The following SRRM2 variants were observed in gnomAD, a reference collection of about 807,000 sequenced individuals.
SRRM2 encodes serine/arginine repetitive matrix protein 2.
In SRRM2, 30 loss-of-function variants were observed where a neutral mutation model predicts 213.8. The ratio of observed to expected loss-of-function variants is 0.14; its 90% confidence interval spans 0.10 to 0.19. The LOEUF (loss-of-function observed/expected upper bound fraction) is 0.19. Among genes scored for constraint, SRRM2 ranks in the 10% least tolerant of loss-of-function variants. The pLI is 1.00. For synonymous variants in SRRM2, 2,025 were observed against 1,377.7 expected (o/e 1.47, Z -10.40); for missense variants, 4,904 against 3,647.0 (o/e 1.34, Z -8.88).
intron 9 of SRRM2, 42 bp downstream of exon 9, chr16:2,759,703 G>A (rs546926615): frequency 6.4e-7 from 1 of 1,561,016 alleles, no homozygotes; most frequent in Admixed American, 1.7e-5. Context: ...AGGGAATGAT[G>A]GGTTAATTAA....
Position 2,770,538 on chromosome 16 carries a change from C to T in SRRM2, c.8136-66C>T, listed in dbSNP as rs569388778. The stretch of plus-strand genomic sequence containing the variant: ...GCTTTCTACAAAGAAGAAAGCTTTG[C>T]GGTTGTGGCTATGTGGTGCCTGAGG... On this transcript the variant is annotated intron_variant, in intron 13 of 14. Transcript: ENST00000301740. The T allele has an allele frequency of 9.8e-5, 153 of 1,554,770 alleles. 3 individuals are homozygous for T. The Admixed American group carries it at 1.2e-3, about 12-fold the overall frequency.
chr16:2,765,964 G>T lies in SRRM2; in HGVS notation c.5436G>T (p.Arg1812=), dbSNP rs762646590. The T allele has an allele frequency of 5.6e-6, 9 of 1,614,168 alleles. No individual in the cohort carries two copies. Among genetic ancestry groups the T allele is most frequent in the South Asian group, 5.5e-5 (5 of 91,088 alleles). Residue 1812 remains arginine (R), a synonymous_variant, in exon 11 of 15, where the codon CGG becomes CGT. Coordinates refer to ENST00000301740, the MANE Select transcript of SRRM2 (RefSeq NM_016333.4). ...QRSRSRSRVT[R]RRRGGSGYHS... ...GCCGGTCAAGGTCGCGGGTTACTCG[G>T]CGGCGGAGGGGAGGCTCTGGTTATC...
chr16:2,760,407 G>C lies in SRRM2; in HGVS notation c.940G>C (p.Gly314Arg). The C allele has an allele frequency of 6.2e-7, 1 of 1,614,148 alleles. No individual in the cohort carries two copies. Among genetic ancestry groups the C allele is most frequent in the Non-Finnish European group, 8.5e-7 (1 of 1,180,030 alleles). Reference protein sequence around the residue: ...GEGDAPFSEPGTTSTQRPSSP... With the variant: ...GEGDAPFSEPRTTSTQRPSSP... Reference sequence around the variant, plus strand: ...GGGAGATGCGCCTTTCAGTGAACCAGGTACTACCAGCACACAACGGCCTAG... The same window carrying C: ...GGGAGATGCGCCTTTCAGTGAACCACGTACTACCAGCACACAACGGCCTAG... The change falls in exon 10 of 15, where the codon GGT (glycine) becomes CGT (arginine). Residue 314 changes from glycine (G) to arginine (R), a missense_variant. Physicochemically the swap from Gly to Arg is moderately radical, Grantham distance 125. Coordinates refer to ENST00000301740, the MANE Select transcript of SRRM2 (RefSeq NM_016333.4).
rs2068475539 is a variant in SRRM2 at position 2,764,614 on chromosome 16, G to C, written c.4086G>C (p.Gln1362His). Reference protein sequence around the residue: ...KEDLNGPFLNQLETDPSLDMK... With the variant: ...KEDLNGPFLNHLETDPSLDMK... ...ATTTGAATGGACCGTTTCTTAATCAGCTGGAAACAGATCCATCTCTAGACA... is the reference window on the plus strand; with the variant it reads ...ATTTGAATGGACCGTTTCTTAATCACCTGGAAACAGATCCATCTCTAGACA... Residue 1362 changes from glutamine to histidine, a missense_variant, in exon 11 of 15, where the codon CAG becomes CAC. By Grantham distance (24) the Gln-to-His change is conservative. Coordinates refer to ENST00000301740, the MANE Select transcript of SRRM2 (RefSeq NM_016333.4). 1 of 1,614,152 alleles carries C rather than the reference G, an allele frequency of 6.2e-7. No homozygotes were observed. Among genetic ancestry groups the C allele is most frequent in the Non-Finnish European group, 8.5e-7 (1 of 1,180,028 alleles).
intron 5 of SRRM2, 46 bp from the exon 6 acceptor site, chr16:2,758,939 G>C: frequency 6.2e-7 from 1 of 1,611,044 alleles, no homozygotes; most frequent in Non-Finnish European, 8.5e-7. Flanking sequence ...GGGAGGGCCA[G>C]GAAAGAAGCC....
intron 1 of SRRM2, among the ~76,000 whole-genome samples, chr16:2,754,489 A>G (rs1016193586): frequency 1.2e-4 from 18 of 152,064 alleles, no homozygotes; most frequent in Non-Finnish European, 2.4e-4. Flanking sequence ...ATGGAGTTTC[A>G]CCGTGTTGGC....
chr16:2,766,275 C>T lies in SRRM2; in HGVS notation c.5747C>T (p.Ser1916Phe), dbSNP rs1229246357. The T allele has an allele frequency of 1.9e-6, 3 of 1,614,056 alleles. No individual in the cohort carries two copies. The highest frequency in any genetic ancestry group is 2.5e-6 in the Non-Finnish European group (3 of 1,180,050). ...CGACGAAGATCCCGGTCAAGAGCAT[C>T]CCCAGTGAGCAGAAGGCGATCCAGA... Reference protein sequence around the residue: ...VTRRRSRSRASPVSRRRSRSR... With the variant: ...VTRRRSRSRAFPVSRRRSRSR... The change falls in exon 11 of 15, where the codon TCC becomes TTC. Residue 1916 changes from serine to phenylalanine, a missense_variant. Transcript: ENST00000301740. This position sits in a 1 kb window ranked among gnomAD's most constrained non-coding sequence, Gnocchi z 7.0.
At chr16:2,760,890 C>G (rs2068320961) in intron 10 of SRRM2, 1 of 189,236 alleles carries the variant, frequency 5.3e-6, no homozygotes, top group Admixed American at 5.4e-5. Flanking sequence ...GAATGAAACA[C>G]TGAAATAGTC....
In SRRM2 at chr16:2,761,876, C is replaced by T. The variant is rs1196635581; in HGVS notation, c.1348C>T (p.His450Tyr). The T allele has an allele frequency of 2.5e-6, 4 of 1,612,218 alleles. No individual in the cohort carries two copies. Among genetic ancestry groups the T allele is most frequent in the Non-Finnish European group, 2.5e-6 (3 of 1,180,038 alleles). Reference protein sequence around the residue: ...SPKPAPAPGSHREISSSPTSK... With the variant: ...SPKPAPAPGSYREISSSPTSK... ...TAAACCTGCTCCAGCTCCAGGGTCC[C>T]ACCGAGAGATTTCTTCTTCTCCCAC... is the stretch of plus-strand genomic sequence containing the variant. Residue 450 changes from histidine (H) to tyrosine (Y), a missense_variant, in exon 11 of 15, where the codon CAC becomes TAC. By Grantham distance (83) the His-to-Tyr change is moderately conservative. Transcript: ENST00000301740.
Position 2,764,039 on chromosome 16 carries a change from C to A in SRRM2, c.3511C>A (p.Pro1171Thr). ...TGAATCAAAAGAGAAAATGGCCTTA[C>A]CCCCTCAGGAGGATGCTACTGCATC... ...TAESKEKMAL[P>T]PQEDATASPP... Residue 1171 changes from proline to threonine, a missense_variant, in exon 11 of 15, where the codon CCC becomes ACC. Transcript: ENST00000301740. 6.2e-7 allele frequency: 1 copy of A among 1,614,148 alleles called. No homozygotes were observed.
chr16:2,765,292 A>G lies in SRRM2; in HGVS notation c.4764A>G (p.Lys1588=). 2.1e-5 allele frequency: 34 copies of G among 1,614,140 alleles called. No homozygotes were observed. The highest frequency in any genetic ancestry group is 2.9e-5 in the Non-Finnish European group (34 of 1,180,028). The change falls in exon 11 of 15, where the codon AAA becomes AAG. Residue 1588 remains lysine, a synonymous_variant. Coordinates refer to ENST00000301740, the MANE Select transcript of SRRM2 (RefSeq NM_016333.4). ...GATCATCTCCAGAGGTTGACAGCAA[A>G]TCTCGACTATCCCCTCGGCGCAGTA... The part of the protein sequence containing the change: ...RSGSSPEVDS[K]SRLSPRRSRS...
chr16:2,768,781 C>T (rs544198583), intron 11 of SRRM2: 11 of 865,448 alleles, frequency 1.3e-5, no homozygotes, highest in African/African-American at 6.6e-5. Flanking sequence ...TAACCTTGAT[C>T]CCTTATGCTG....
Position 2,770,341 on chromosome 16 carries a change from G to A in SRRM2, c.8022-11G>A. Reference sequence around the variant, plus strand: ...GGGTGTGGTGCTATTGGGTCCTACTGTGTTCCCCAGGTCCCGCAGCCCCCG... The same window carrying A: ...GGGTGTGGTGCTATTGGGTCCTACTATGTTCCCCAGGTCCCGCAGCCCCCG... On this transcript the variant is annotated splice_polypyrimidine_tract_variant and intron_variant, in intron 12 of 14. Coordinates refer to ENST00000301740, the MANE Select transcript of SRRM2 (RefSeq NM_016333.4). The A allele has an allele frequency of 6.4e-7, 1 of 1,574,438 alleles. No individual in the cohort carries two copies. Among genetic ancestry groups the A allele is most frequent in the Non-Finnish European group, 8.6e-7 (1 of 1,159,408 alleles).
At chr16:2,760,183 G>C (rs2150773978) in intron 9 of SRRM2, 118 bp from the exon 10 acceptor site, 3 of 1,003,214 alleles carry the variant, frequency 3.0e-6, no homozygotes, top group South Asian at 1.5e-5. Flanking sequence ...GCGACTAAAG[G>C]CTTTTTGGAA....
At chr16:2,770,171 G>C in intron 12 of SRRM2, 181 bp from the exon 13 acceptor site, 1 of 1,440,814 alleles carries the variant, frequency 6.9e-7, no homozygotes, top group Non-Finnish European at 9.1e-7. Context: ...CCCTGTGCCT[G>C]CCCACTGGGC....
rs200846532 is a variant in SRRM2 at position 2,766,788 on chromosome 16, G to A, written c.6260G>A (p.Arg2087His). 3.7e-6 allele frequency: 6 copies of A among 1,614,172 alleles called. No homozygotes were observed. Among genetic ancestry groups the A allele is most frequent in the South Asian group, 1.1e-5 (1 of 91,084 alleles). Residue 2087 changes from arginine to histidine, a missense_variant, in exon 11 of 15, where the codon CGT becomes CAT. Physicochemically the swap from Arg to His is conservative, Grantham distance 29. Transcript: ENST00000301740. This position sits in a 1 kb window ranked among gnomAD's most constrained non-coding sequence, Gnocchi z 7.0. ...TCTGCATCTGGAAGTAGTTCTGATC[G>A]TTCACGATCTGCTACTCCTCCAGCA... ...RRSASGSSSD[R>H]SRSATPPATR...
chr16:2,766,182 G>A lies in SRRM2; in HGVS notation c.5654G>A (p.Arg1885Gln), dbSNP rs776530790. ...AGGTCCAGAACCCCCCTGATAAGCCGACGTAGGTCCAGATCTCGAACTTCA... is the reference window on the plus strand; with the variant it reads ...AGGTCCAGAACCCCCCTGATAAGCCAACGTAGGTCCAGATCTCGAACTTCA... ...RSRSRTPLISRRRSRSRTSPV... is the reference protein window; with the variant it reads ...RSRSRTPLISQRRSRSRTSPV... The change falls in exon 11 of 15, where the codon CGA becomes CAA. Residue 1885 changes from arginine (R) to glutamine (Q), a missense_variant. Arg to Gln is a conservative substitution (Grantham distance 43). Transcript: ENST00000301740. The surrounding 1 kb of genome is among the most constrained non-coding windows in gnomAD (Gnocchi z 7.0). 39 of 1,614,014 alleles carry A rather than the reference G, an allele frequency of 2.4e-5. No homozygotes were observed. Among genetic ancestry groups the A allele is most frequent in the Non-Finnish European group, 1.7e-5 (20 of 1,180,038 alleles).
In SRRM2 at chr16:2,763,024, ACAAAGT is replaced by A. The variant is rs1276266906; in HGVS notation, c.2499_2504del (p.Gln833_Ser834del). 7 of 1,614,034 alleles carry A rather than the reference ACAAAGT, an allele frequency of 4.3e-6. No individual in the cohort carries two copies. Among genetic ancestry groups the A allele is most frequent in the Non-Finnish European group, 5.9e-6 (7 of 1,180,026 alleles). ...AACAGAAATCTAAGACACCATCAAG[ACAAAGT>A]CATTCCAGTTCATCTCCTCATCCTA... On this transcript the variant is annotated inframe_deletion, in exon 11 of 15. Transcript: ENST00000301740.
chr16:2,757,424 G>A (rs770325301), intron 2 of SRRM2, 48 bp from the exon 3 acceptor site: 4 of 1,563,244 alleles, frequency 2.6e-6, no homozygotes, highest in Non-Finnish European at 3.5e-6. Flanking sequence ...ACCTGGGACT[G>A]GGGAAAGTGT....
Sources: allele counts gnomAD v4.1 joint callset (sites outside exome capture counted in the v4.1 genomes callset), GRCh38; gene constraint gnomAD v4.1.1; non-coding constraint Gnocchi (gnomAD v3.1); transcripts MANE v1.5; gene names NCBI Gene and HGNC (gene_info 2026-07-23, HGNC 2026-07-21).